ADCY8: variants seen among roughly 807,000 people sequenced by gnomAD.
ADCY8 encodes adenylate cyclase 8.
ADCY8 carries 51 observed loss-of-function variants against 119.7 expected under a neutral mutation model. The ratio of observed to expected loss-of-function variants is 0.43; its 90% CI spans 0.34 to 0.54. The LOEUF (loss-of-function observed/expected upper bound fraction) is 0.54. Ranked by LOEUF, ADCY8 falls within the 20% of genes least tolerant of loss-of-function variation. The probability of loss-of-function intolerance (pLI) is 0.03; values close to 1 mark genes in which losing one functional copy is unlikely to be tolerated. For missense variants in ADCY8, 1,383 were observed against 1,598.8 expected (o/e 0.87, Z 2.30); for synonymous variants, 665 against 651.0 (o/e 1.02, Z -0.33).
intron 5 of ADCY8, among the ~76,000 whole-genome samples, chr8:130,936,425 T>G (rs1820788838): frequency 6.6e-6 from 1 of 152,196 alleles, no homozygotes; most frequent in Non-Finnish European, 1.5e-5. Context: ...TTAACATGAC[T>G]GAGAAGGTCA....
intron 9 of ADCY8, among the ~76,000 whole-genome samples, chr8:130,854,319 A>G (rs895795083): frequency 6.6e-6 from 1 of 152,248 alleles, no homozygotes; most frequent in Non-Finnish European, 1.5e-5. Context: ...GCAAAGCTCT[A>G]TCCAAATCAT....
chr8:130,822,294 C>T (rs986253035), intron 12 of ADCY8, among the ~76,000 whole-genome samples: 1 of 152,118 alleles, frequency 6.6e-6, no homozygotes, highest in Admixed American at 6.6e-5. Flanking sequence ...TCTCTAGGTA[C>T]AGGACATCTA....
At chr8:130,867,566 T>G (rs1818172117) in intron 9 of ADCY8, among the ~76,000 whole-genome samples, 1 of 152,228 alleles carries the variant, frequency 6.6e-6, no homozygotes, top group Non-Finnish European at 1.5e-5. Flanking sequence ...ATACCTATTT[T>G]CTGCATTCAT....
rs764526592 is a variant in ADCY8, at chr8:130,904,003, G to T, written c.1680C>A (p.Asn560Lys). ...GGCCCTCTTCCACGTTATAGTCACC[G>T]TTGAGACAGTCCAGCGTGGCTTTGG... ...HISKATLDCL[N>K]GDYNVEEGHG... is the part of the protein sequence containing the mutation. The change falls in exon 7 of 18, where the codon AAC (asparagine) becomes AAA (lysine). Residue 560 changes from asparagine (N) to lysine (K), a missense_variant. By Grantham distance (94) the Asn-to-Lys change is moderately conservative. Coordinates refer to ENST00000286355, the MANE Select transcript of ADCY8 (RefSeq NM_001115.3). The T allele has an allele frequency of 6.2e-7, 1 of 1,614,042 alleles. No homozygotes were observed. Among genetic ancestry groups the T allele is most frequent in the East Asian group, 2.2e-5 (1 of 44,862 alleles).
chr8:130,987,572 A>ATTCTTAAT (rs1469246249), intron 2 of ADCY8, among the ~76,000 whole-genome samples: 9 of 152,168 alleles, frequency 5.9e-5, no homozygotes, highest in African/African-American at 2.2e-4. Flanking sequence ...AACCTATTTG[A>ATTCTTAAT]TTCTTAATTT....
intron 3 of ADCY8, among the ~76,000 whole-genome samples, chr8:130,947,580 T>C (rs1358925116): frequency 6.6e-6 from 1 of 152,184 alleles, no homozygotes; most frequent in Non-Finnish European, 1.5e-5. Context: ...ACAGGACAGA[T>C]GTAGTGATCA....
intron 1 of ADCY8, among the ~76,000 whole-genome samples, chr8:130,999,712 C>T (rs565946739): frequency 2.6e-5 from 4 of 152,318 alleles, no homozygotes; most frequent in African/African-American, 9.6e-5. Context: ...GAAGATACTT[C>T]CACCTATTTC....
At chr8:130,893,858 G>A (rs1563716980) in intron 7 of ADCY8, among the ~76,000 whole-genome samples, 3 of 151,398 alleles carry the variant, frequency 2.0e-5, no homozygotes, top group Admixed American at 6.6e-5. Context: ...GTTTTGGGGT[G>A]TGCATGTTTA....
At chr8:130,979,316 C>T (rs908543068) in intron 2 of ADCY8, among the ~76,000 whole-genome samples, 9 of 152,168 alleles carry the variant, frequency 5.9e-5, no homozygotes, top group Admixed American at 2.6e-4. Flanking sequence ...TGAACTATAT[C>T]TTTTCCCTAT....
intron 1 of ADCY8, among the ~76,000 whole-genome samples, chr8:131,019,473 A>T (rs1291142200): frequency 6.6e-6 from 1 of 152,152 alleles, no homozygotes; most frequent in African/African-American, 2.4e-5. Context: ...AGCTGCTGGT[A>T]CTGGAAACAT....
intron 9 of ADCY8, among the ~76,000 whole-genome samples, chr8:130,866,678 A>G (rs1204752607): frequency 1.3e-5 from 2 of 152,190 alleles, no homozygotes; most frequent in Non-Finnish European, 1.5e-5. Flanking sequence ...AGAATGAATC[A>G]CTAATTTTGA....
At chr8:130,992,223 G>A (rs1421626064) in intron 1 of ADCY8, among the ~76,000 whole-genome samples, 6 of 149,534 alleles carry the variant, frequency 4.0e-5, no homozygotes, top group Non-Finnish European at 8.9e-5. Context: ...GGGATTACAG[G>A]TGTGTACTAC....
intron 13 of ADCY8, among the ~76,000 whole-genome samples, chr8:130,816,421 T>C (rs1432435106): frequency 4.6e-5 from 5 of 108,560 alleles, no homozygotes; most frequent in Non-Finnish European, 9.6e-5. Flanking sequence ...TAATTAATTT[T>C]TTTTTCTTTT....
intron 6 of ADCY8, among the ~76,000 whole-genome samples, chr8:130,905,625 G>A (rs1223044686): frequency 2.6e-5 from 4 of 152,274 alleles, no homozygotes; most frequent in Non-Finnish European, 4.4e-5. Flanking sequence ...TGAGGAAGCC[G>A]AGACTGGTGA....
chr8:130,952,127 A>C, intron 2 of ADCY8, 129 bp from the exon 3 acceptor site: 2 of 1,039,740 alleles, frequency 1.9e-6, no homozygotes, highest in Non-Finnish European at 2.8e-6. Context: ...ATACCATTCT[A>C]TGAATACAAC....
intron 17 of ADCY8, among the ~76,000 whole-genome samples, chr8:130,782,284 A>G (rs1359201118): frequency 1.3e-5 from 2 of 152,208 alleles, no homozygotes; most frequent in Non-Finnish European, 2.9e-5. Flanking sequence ...GCTCTTTAAA[A>G]TTTGCAGAGA....
intron 1 of ADCY8, among the ~76,000 whole-genome samples, chr8:131,022,229 C>CCGTCATCTA (rs1401015337): frequency 1.3e-5 from 2 of 152,124 alleles, no homozygotes; most frequent in Non-Finnish European, 2.9e-5. Context: ...ACCCATCAAC[C>CCGTCATCTA]CGTCATCTAC....
intron 1 of ADCY8, among the ~76,000 whole-genome samples, chr8:131,003,983 A>AAAC (rs1280689714): frequency 1.3e-5 from 2 of 152,294 alleles, no homozygotes; most frequent in African/African-American, 4.8e-5. Context: ...AAATAAAAAC[A>AAAC]AACAACAACA....
intron 12 of ADCY8, among the ~76,000 whole-genome samples, chr8:130,824,759 G>A (rs535719030): frequency 6.6e-6 from 1 of 152,204 alleles, no homozygotes; most frequent in Non-Finnish European, 1.5e-5. Flanking sequence ...TGGACCCACT[G>A]TAAAATGAAA....
Sources: gnomAD v4.1 joint callset for allele counts (sites outside exome capture counted in the v4.1 genomes callset) on GRCh38, gnomAD v4.1.1 for gene constraint, MANE v1.5 for transcripts, NCBI Gene and HGNC (gene_info 2026-07-23, HGNC 2026-07-21) for gene names.